Variants in MAGI2 observed in about 807,000 individuals in gnomAD.
The protein encoded by MAGI2 is membrane-associated guanylate kinase, WW and PDZ domain-containing protein 2.
Under a neutral mutation model 133.3 loss-of-function variants are expected in MAGI2, and 35 were observed. The observed-to-expected ratio is 0.26, with a 90% CI of 0.20 to 0.35. The LOEUF (loss-of-function observed/expected upper bound fraction) is 0.35. Among genes scored for constraint, MAGI2 ranks in the 10% least tolerant of loss-of-function variants. MAGI2 has a pLI of 1.00. For missense variants in MAGI2, 1,636 were observed against 1,863.4 expected (o/e 0.88, Z 2.25); for synonymous variants, 729 against 710.6 (o/e 1.03, Z -0.41).
chr7:78,596,391 C>A (rs1338413132), intron 3 of MAGI2, among the ~76,000 whole-genome samples: 1 of 152,196 alleles, frequency 6.6e-6, no homozygotes, highest in Admixed American at 6.5e-5. Flanking sequence ...ACAAGAGGAC[C>A]ACCATCAGTC....
chr7:78,731,688 T>G (rs2151226430), intron 2 of MAGI2, among the ~76,000 whole-genome samples: 1 of 152,288 alleles, frequency 6.6e-6, no homozygotes, highest in South Asian at 2.1e-4. Flanking sequence ...TACAAAAATC[T>G]TCCACTCTTC....
At chr7:78,889,536 GA>G (rs1164474883) in intron 2 of MAGI2, among the ~76,000 whole-genome samples, 1 of 152,188 alleles carries the variant, frequency 6.6e-6, no homozygotes, top group Non-Finnish European at 1.5e-5. Context: ...TCTCTCAGCA[GA>G]AACTCTACAA....
intron 2 of MAGI2, among the ~76,000 whole-genome samples, chr7:78,749,197 A>T (rs1481149923): frequency 1.3e-5 from 2 of 152,180 alleles, no homozygotes; most frequent in Non-Finnish European, 2.9e-5. Flanking sequence ...TTCAGCTGAG[A>T]TAGCACTGAA....
chr7:78,162,341 G>A (rs947399963), intron 15 of MAGI2, among the ~76,000 whole-genome samples: 39 of 137,300 alleles, frequency 2.8e-4, no homozygotes, highest in Admixed American at 2.5e-3. Context: ...GTGAAACCCC[G>A]TCTCTACTAA....
intron 1 of MAGI2, among the ~76,000 whole-genome samples, chr7:79,359,617 G>T (rs1842247980): frequency 6.7e-6 from 1 of 149,986 alleles, no homozygotes; most frequent in Non-Finnish European, 1.5e-5. Context: ...TTATGGGACG[G>T]AAAAGCCAAT....
At chr7:78,779,478 T>A (rs1014477931) in intron 2 of MAGI2, among the ~76,000 whole-genome samples, 3 of 152,088 alleles carry the variant, frequency 2.0e-5, no homozygotes, top group Admixed American at 6.6e-5. Context: ...GAAGAGAGAA[T>A]AGAAAAGACG....
chr7:79,011,868 CCTTCCTTCCTTCCTTT>C (rs1437717693), intron 1 of MAGI2, among the ~76,000 whole-genome samples: 68 of 90,216 alleles, frequency 7.5e-4, no homozygotes, highest in African/African-American at 2.5e-3. Context: ...GGTAGAAGAT[CCTTCCTTCCTTCCTTT>C]CTTCCTTCCT....
intron 2 of MAGI2, among the ~76,000 whole-genome samples, chr7:78,755,265 G>A (rs1823835087): frequency 6.6e-6 from 1 of 152,168 alleles, no homozygotes; most frequent in Non-Finnish European, 1.5e-5. Context: ...AGGAGTCTTG[G>A]ATTCTAGTTT....
intron 2 of MAGI2, among the ~76,000 whole-genome samples, chr7:78,898,327 T>G (rs1318932259): frequency 1.3e-5 from 2 of 152,128 alleles, no homozygotes; most frequent in Non-Finnish European, 2.9e-5. Flanking sequence ...GAATGTAAAT[T>G]GTTCTATCAT....
chr7:78,712,425 A>G (rs1819288288), intron 2 of MAGI2, among the ~76,000 whole-genome samples: 1 of 152,164 alleles, frequency 6.6e-6, no homozygotes, highest in Admixed American at 6.6e-5. Flanking sequence ...CTTATAAAAG[A>G]CACCTCTGTC....
chr7:78,080,212 A>G (rs775776712), intron 20 of MAGI2, among the ~76,000 whole-genome samples: 2 of 152,222 alleles, frequency 1.3e-5, no homozygotes, highest in Admixed American at 6.5e-5. Context: ...CAAGGAAATG[A>G]CATCTCTACC....
intron 14 of MAGI2, among the ~76,000 whole-genome samples, chr7:78,177,685 C>A (rs1826788887): frequency 6.6e-6 from 1 of 152,112 alleles, no homozygotes; most frequent in Admixed American, 6.6e-5. Flanking sequence ...GTGGGTGTTA[C>A]CTCTACTCAT....
chr7:78,509,493 C>T (rs1174277924), intron 4 of MAGI2: 1 of 152,138 alleles, frequency 6.6e-6, no homozygotes, highest in South Asian at 2.1e-4. Flanking sequence ...AGTGCAGGAA[C>T]TGAAAGCGTT....
chr7:78,991,980 A>C (rs1199191952), intron 2 of MAGI2, among the ~76,000 whole-genome samples: 1 of 152,062 alleles, frequency 6.6e-6, no homozygotes, highest in African/African-American at 2.4e-5. Context: ...ATGAATATAC[A>C]AGAGCAGGGG....
intron 1 of MAGI2, among the ~76,000 whole-genome samples, chr7:79,285,549 T>C (rs536104825): frequency 6.6e-6 from 1 of 152,248 alleles, no homozygotes; most frequent in East Asian, 1.9e-4. Context: ...AACAAGTTTC[T>C]AACAGTGCCC....
At chr7:78,527,312 C>T (rs1251512197) in intron 3 of MAGI2, among the ~76,000 whole-genome samples, 2 of 152,134 alleles carry the variant, frequency 1.3e-5, no homozygotes, top group African/African-American at 4.8e-5. Flanking sequence ...ATGTACTGTA[C>T]TTGAAACCAT....
intron 4 of MAGI2, among the ~76,000 whole-genome samples, chr7:78,519,348 T>C (rs891098010): frequency 1.3e-5 from 2 of 152,018 alleles, no homozygotes; most frequent in Non-Finnish European, 2.9e-5. Flanking sequence ...GAACAGTGGG[T>C]GAAGGGCTGC....
rs187061244 is a variant in MAGI2 at position 78,613,346 on chromosome 7, T to C, written c.538+13774A>G. On this transcript the variant is annotated intron_variant, in intron 3 of 21. Coordinates refer to ENST00000354212, the MANE Select transcript of MAGI2 (RefSeq NM_012301.4). ...AATGAGCCATTGCCTTGTGGGTACA[T>C]TAGTAAATGTCATTTCCATTATTCT... Among the ~76,000 whole-genome samples, 17 of 152,308 alleles carry C rather than the reference T, an allele frequency of 1.1e-4. 1 individual carries two copies. In the East Asian group the frequency reaches 3.1e-3, roughly 28 times the overall value.
chr7:78,224,128 T>C (rs1474667855), intron 10 of MAGI2, among the ~76,000 whole-genome samples: 1 of 152,170 alleles, frequency 6.6e-6, no homozygotes, highest in Non-Finnish European at 1.5e-5. Flanking sequence ...GAATGGTTTG[T>C]TCAGTTGGCA....
Sources: gnomAD v4.1 joint callset for allele counts (sites outside exome capture counted in the v4.1 genomes callset) on GRCh38, gnomAD v4.1.1 for gene constraint, MANE v1.5 for transcripts, NCBI Gene and HGNC (gene_info 2026-07-23, HGNC 2026-07-21) for gene names.